The following ANK2 variants were observed in gnomAD, a reference collection of about 807,000 sequenced individuals.
ANK2 encodes ankyrin 2.
ANK2 carries 83 observed loss-of-function variants against 360.5 expected under a neutral mutation model. That is an observed-to-expected ratio of 0.23 (90% confidence interval 0.19 to 0.28). The LOEUF (loss-of-function observed/expected upper bound fraction) is 0.28, where lower values mean the gene tolerates loss of function less well. Among genes scored for constraint, ANK2 ranks in the 10% least tolerant of loss-of-function variants. ANK2 has a pLI of 1.00. For synonymous variants in ANK2, 1,740 were observed against 1,759.5 expected, an observed-to-expected ratio of 0.99 and a Z score of 0.28; for missense variants, 4,201 against 4,795.7, an observed-to-expected ratio of 0.88 and a Z score of 3.66.
the ANK2 span, among the ~76,000 whole-genome samples, chr4:112,747,605 T>C: frequency 2.0e-5 from 3 of 152,206 alleles, no homozygotes; most frequent in African/African-American, 4.8e-5. Flanking sequence ...ATTTTTCAAA[T>C]TGAAAGTTAA....
At chr4:112,771,762 T>A in the ANK2 span, among the ~76,000 whole-genome samples, 1 of 152,136 alleles carries the variant, frequency 6.6e-6, no homozygotes, top group Non-Finnish European at 1.5e-5. Flanking sequence ...ATTTTTTGTA[T>A]TTTTAGTAGA....
chr4:112,725,595 A>G, the ANK2 span, among the ~76,000 whole-genome samples: 2 of 151,816 alleles, frequency 1.3e-5, no homozygotes, highest in African/African-American at 4.8e-5. Flanking sequence ...CCTGACCTCA[A>G]GTGATCCTCC....
chr4:112,996,565 C>A (rs1185349983), intron 2 of ANK2, among the ~76,000 whole-genome samples: 1 of 151,994 alleles, frequency 6.6e-6, no homozygotes, highest in African/African-American at 2.4e-5. Context: ...TATCTTAATT[C>A]ACATAAATTT....
At position 113,230,621 on chromosome 4, in the gene ANK2, C is replaced by A. The variant is rs946467020; in HGVS notation, c.385-1540C>A. Among the ~76,000 whole-genome samples the A allele has an allele frequency of 3.3e-5, 5 of 152,242 alleles. No homozygotes were observed. In the East Asian group the frequency reaches 7.7e-4, roughly 23 times the overall value. The stretch of plus-strand genomic sequence containing the variant: ...ATGCATGGAAAGCTTAAGGAATCAT[C>A]TATGTTTAAGGTCTGACATGGTTTT... On this transcript the variant is annotated intron_variant, in intron 4 of 45. Transcript: ENST00000357077.
At chr4:113,248,345 A>T (rs566940274) in intron 9 of ANK2, among the ~76,000 whole-genome samples, 4 of 152,296 alleles carry the variant, frequency 2.6e-5, no homozygotes, top group East Asian at 1.9e-4. Flanking sequence ...CAACCTAAAA[A>T]GTGAGAAGTA....
At chr4:112,905,914 A>G (rs1185215405) in intron 2 of ANK2, among the ~76,000 whole-genome samples, 1 of 152,144 alleles carries the variant, frequency 6.6e-6, no homozygotes, top group Admixed American at 6.5e-5. Context: ...TGCCCACCTC[A>G]GCCTCCCACA....
intron 26 of ANK2, chr4:113,323,845 CCT>C: frequency 6.4e-7 from 1 of 1,554,048 alleles, no homozygotes; most frequent in Non-Finnish European, 8.8e-7. Context: ...TTCCTCTCCC[CCT>C]TTCGCCATCT....
intron 4 of ANK2, among the ~76,000 whole-genome samples, chr4:113,221,670 A>G (rs2099153900): frequency 6.6e-6 from 1 of 152,040 alleles, no homozygotes; most frequent in South Asian, 2.1e-4. Flanking sequence ...AAAAAAAAAA[A>G]AGAGAAAACT....
chr4:113,264,772 G>A, intron 13 of ANK2, 125 bp from the exon 14 acceptor site: 1 of 860,404 alleles, frequency 1.2e-6, no homozygotes, highest in Non-Finnish European at 1.9e-6. Flanking sequence ...AAATAATTAT[G>A]CCTTTTCATA....
At chr4:112,935,349 A>G (rs1333713642) in intron 2 of ANK2, among the ~76,000 whole-genome samples, 1 of 152,204 alleles carries the variant, frequency 6.6e-6, no homozygotes, top group African/African-American at 2.4e-5. Flanking sequence ...GTGAAGGCAA[A>G]TATATAATCT....
upstream of ANK2, among the ~76,000 whole-genome samples, chr4:113,046,935 A>C (rs1329439926): frequency 6.6e-6 from 1 of 152,238 alleles, no homozygotes; most frequent in Non-Finnish European, 1.5e-5. Context: ...TTCAATTTGC[A>C]TTGCAGAGGT....
intron 2 of ANK2, among the ~76,000 whole-genome samples, chr4:112,999,294 C>G (rs918325814): frequency 6.6e-6 from 1 of 151,970 alleles, no homozygotes; most frequent in East Asian, 1.9e-4. Flanking sequence ...TTGTGTATCA[C>G]CTTACAGTTT....
At chr4:113,070,324 A>G (rs2077102110) in intron 1 of ANK2, among the ~76,000 whole-genome samples, 1 of 151,846 alleles carries the variant, frequency 6.6e-6, no homozygotes, top group Admixed American at 6.6e-5. Flanking sequence ...GAATGCCAGC[A>G]TTGTCCACCT....
At chr4:113,301,043 T>C (rs1359834447) in intron 22 of ANK2, among the ~76,000 whole-genome samples, 1 of 152,250 alleles carries the variant, frequency 6.6e-6, no homozygotes, top group Non-Finnish European at 1.5e-5. Context: ...AGGTTCATTA[T>C]AGCCTTTCAA....
chr4:113,237,528 C>T, intron 6 of ANK2, 71 bp from the exon 7 acceptor site: 1 of 1,445,504 alleles, frequency 6.9e-7, no homozygotes, highest in Non-Finnish European at 9.7e-7. Flanking sequence ...TTGCAGCGAG[C>T]AGATTGACTG....
the ANK2 span, among the ~76,000 whole-genome samples, chr4:112,753,038 G>C: frequency 6.6e-6 from 1 of 152,134 alleles, no homozygotes; most frequent in African/African-American, 2.4e-5. Context: ...CGAATATGCT[G>C]TTCAGGAACC....
chr4:112,814,985 T>C (rs1447596726), upstream of ANK2, among the ~76,000 whole-genome samples: 1 of 150,384 alleles, frequency 6.6e-6, no homozygotes, highest in East Asian at 2.0e-4. Context: ...ATCAGCAAAA[T>C]TCCAAGAAAC....
intron 2 of ANK2, among the ~76,000 whole-genome samples, chr4:113,188,592 A>T (rs1186036811): frequency 6.6e-6 from 1 of 152,224 alleles, no homozygotes; most frequent in South Asian, 2.1e-4. Flanking sequence ...AGAACAAAAA[A>T]TTACTAAATG....
Position 113,143,181 on chromosome 4 carries a change from G to A in ANK2, c.85-31235G>A, listed in dbSNP as rs145317452. Among the ~76,000 whole-genome samples the A allele has an allele frequency of 7.5e-3, 746 of 99,536 alleles. 30 individuals carry two copies. The highest frequency in any genetic ancestry group is 0.074 in the Admixed American group (696 of 9,446). The allele number at this position is 99,536 out of a possible 152,430, so 65.3% of individuals were successfully genotyped here. On this transcript the variant is annotated intron_variant, in intron 1 of 45. Transcript: ENST00000357077. The stretch of plus-strand genomic sequence containing the variant: ...AAAACAGGTATATCTTGTAAAGAGC[G>A]AGAGCTGATAGTAGTCACAACCTTA...
Sources: allele counts gnomAD v4.1 joint callset (sites outside exome capture counted in the v4.1 genomes callset), GRCh38; gene constraint gnomAD v4.1.1; transcripts MANE v1.5; gene names NCBI Gene and HGNC (gene_info 2026-07-23, HGNC 2026-07-21).